ATPAF1: variants seen among roughly 807,000 people sequenced by gnomAD.
The protein encoded by ATPAF1 is homolog of yeast ATP11.
Under a neutral mutation model 43.9 loss-of-function variants are expected in ATPAF1, and 26 were observed. The observed-to-expected ratio is 0.59, with a 90% confidence interval of 0.43 to 0.82. The LOEUF (loss-of-function observed/expected upper bound fraction) is 0.82, where lower values mean the gene tolerates loss of function less well. ATPAF1 is among the 40% of genes least tolerant of loss of function. The probability of loss-of-function intolerance (pLI) is 0.00; values close to 1 mark genes in which losing one functional copy is unlikely to be tolerated. For missense variants in ATPAF1, 366 were observed against 435.0 expected (o/e 0.84, Z 1.41); for synonymous variants, 157 against 168.0 (o/e 0.93, Z 0.50).
At chr1:46,647,877 G>T (rs1366079442) in intron 6 of ATPAF1, among the ~76,000 whole-genome samples, 4 of 152,056 alleles carry the variant, frequency 2.6e-5, no homozygotes, top group Non-Finnish European at 5.9e-5. Context: ...GTAGTAATTT[G>T]GATTCCCATT....
chr1:46,667,949 A>T, intron 1 of ATPAF1, 108 bp downstream of exon 1: 1 of 873,108 alleles, frequency 1.1e-6, no homozygotes, highest in Non-Finnish European at 1.5e-6. Flanking sequence ...TCATCTGAAG[A>T]GCTGGGACAG....
intron 1 of ATPAF1, 108 bp from the exon 2 acceptor site, chr1:46,665,472 G>A (rs1676473973): frequency 1.5e-6 from 2 of 1,330,180 alleles, no homozygotes; most frequent in South Asian, 2.7e-5. Flanking sequence ...CATTCAGAGA[G>A]GTTGAAAAAT....
At chr1:46,641,565 C>T (rs372247773) in intron 8 of ATPAF1, among the ~76,000 whole-genome samples, 2 of 152,156 alleles carry the variant, frequency 1.3e-5, no homozygotes, top group South Asian at 2.1e-4. Flanking sequence ...TCTCTTAAGT[C>T]TACTCCAATC....
At chr1:46,661,373 G>A (rs1210508230) in intron 2 of ATPAF1, among the ~76,000 whole-genome samples, 1 of 152,148 alleles carries the variant, frequency 6.6e-6, no homozygotes. Context: ...ACTGCACCCG[G>A]TGGTTTTAGA....
At chr1:46,638,543 A>C (rs1397185871) in intron 8 of ATPAF1, among the ~76,000 whole-genome samples, 2 of 151,414 alleles carry the variant, frequency 1.3e-5, no homozygotes, top group Non-Finnish European at 1.5e-5. Context: ...AATGGCGTGA[A>C]CCCGGGAGGC....
At chr1:46,650,920 A>T in intron 6 of ATPAF1, among the ~76,000 whole-genome samples, 1 of 152,082 alleles carries the variant, frequency 6.6e-6, no homozygotes, top group Non-Finnish European at 1.5e-5. Flanking sequence ...GCTAGATGGG[A>T]GAAATATGTT....
chr1:46,633,905 A>C (rs1462851088), downstream of ATPAF1: 5 of 452,056 alleles, frequency 1.1e-5, no homozygotes, highest in Non-Finnish European at 2.2e-5. Context: ...GGGACCCAAA[A>C]CATTCAGAAG....
At chr1:46,644,991 G>C (rs1490803185) in intron 7 of ATPAF1, among the ~76,000 whole-genome samples, 170 bp downstream of exon 7, 1 of 152,192 alleles carries the variant, frequency 6.6e-6, no homozygotes, top group Non-Finnish European at 1.5e-5. Context: ...TAGGTATTGA[G>C]GAGGGCCTAG....
At position 46,637,055 on chromosome 1, in the gene ATPAF1, C is replaced by T. The variant is rs753743412; in HGVS notation, c.793-1085G>A. On this transcript the variant is annotated intron_variant, in intron 8 of 8. Transcript: ENST00000574428. Reference sequence around the variant, plus strand: ...AGCTAAGCTGCTACTACAGAAACTGCGAGGTAATAAATGTTTGTTGTTTTA... The same window carrying T: ...AGCTAAGCTGCTACTACAGAAACTGTGAGGTAATAAATGTTTGTTGTTTTA... 3.9e-5 allele frequency among the ~76,000 whole-genome samples: 6 copies of T among 152,242 alleles called. No individual in the cohort carries two copies. In the South Asian group the frequency reaches 8.3e-4, roughly 21 times the overall value.
Position 46,658,109 on chromosome 1 carries a change from C to T in ATPAF1, c.489+18G>A. The T allele has an allele frequency of 6.2e-7, 1 of 1,606,596 alleles. No individual in the cohort carries two copies. The highest frequency in any genetic ancestry group is 8.5e-7 in the Non-Finnish European group (1 of 1,176,090). Reference sequence around the variant, plus strand: ...TTCACATTTTCATAGAGTAGGCCAGCCCATTTCCATTCATTACCTGTTTTA... The same window carrying T: ...TTCACATTTTCATAGAGTAGGCCAGTCCATTTCCATTCATTACCTGTTTTA... On this transcript the variant is annotated intron_variant, in intron 4 of 8. Coordinates refer to ENST00000574428, the Ensembl canonical transcript of ATPAF1.
downstream of ATPAF1, chr1:46,634,108 G>A (rs1249177464): frequency 1.3e-5 from 4 of 316,482 alleles, no homozygotes; most frequent in Non-Finnish European, 1.8e-5. Context: ...AGACTCAAAG[G>A]TGCAACAAAA....
chr1:46,661,101 C>G (rs1356260547), intron 2 of ATPAF1, among the ~76,000 whole-genome samples: 2 of 150,506 alleles, frequency 1.3e-5, no homozygotes, highest in African/African-American at 4.9e-5. Flanking sequence ...GAGACAGAGT[C>G]TCACTCTGTC....
At chr1:46,655,727 A>G (rs549386638) in intron 4 of ATPAF1, among the ~76,000 whole-genome samples, 1 of 151,630 alleles carries the variant, frequency 6.6e-6, no homozygotes, top group South Asian at 2.1e-4. Context: ...TCTCTCTCCT[A>G]CCTCTGACCT....
chr1:46,665,213 G>A lies in ATPAF1; in HGVS notation c.375+43C>T, dbSNP rs780370221. 32 of 1,590,366 alleles carry A rather than the reference G, an allele frequency of 2.0e-5. No individual in the cohort carries two copies. In the Admixed American group the frequency reaches 4.8e-4, roughly 24 times the overall value. The stretch of plus-strand genomic sequence containing the variant: ...TAAGGGTGAGGGTAAGGAGGGTGAA[G>A]GAGTGCTGGTAAGCAAACACCACAA... On this transcript the variant is annotated intron_variant, in intron 2 of 8. Coordinates refer to ENST00000574428, the Ensembl canonical transcript of ATPAF1.
At chr1:46,654,563 ACTTT>A (rs1557930933) in intron 4 of ATPAF1, among the ~76,000 whole-genome samples, 6 of 77,592 alleles carry the variant, frequency 7.7e-5, no homozygotes, top group South Asian at 3.6e-4. Flanking sequence ...TTATTATTGT[ACTTT>A]AAGTTCTAGG....
At chr1:46,639,436 ACT>A (rs1282024631) in intron 8 of ATPAF1, among the ~76,000 whole-genome samples, 1 of 152,048 alleles carries the variant, frequency 6.6e-6, no homozygotes, top group Non-Finnish European at 1.5e-5. Context: ...ATATCACCCC[ACT>A]CTCTATCCCT....
chr1:46,648,315 T>C (rs1316446934), intron 6 of ATPAF1, among the ~76,000 whole-genome samples: 1 of 152,178 alleles, frequency 6.6e-6, no homozygotes, highest in East Asian at 1.9e-4. Flanking sequence ...TTTCGCCATA[T>C]TGGCCAGGCT....
At chr1:46,649,761 C>T in intron 6 of ATPAF1, among the ~76,000 whole-genome samples, 1 of 151,818 alleles carries the variant, frequency 6.6e-6, no homozygotes, top group East Asian at 1.9e-4. Flanking sequence ...CTTGTCTCTA[C>T]TAAACATACA....
intron 4 of ATPAF1, among the ~76,000 whole-genome samples, chr1:46,657,573 A>T (rs999356740): frequency 5.9e-5 from 9 of 152,176 alleles, no homozygotes; most frequent in African/African-American, 2.2e-4. Context: ...ATGTTAACTC[A>T]TTTAATTATC....
Sources: gnomAD v4.1 joint callset for allele counts (sites outside exome capture counted in the v4.1 genomes callset) on GRCh38, gnomAD v4.1.1 for gene constraint, MANE v1.5 for transcripts, NCBI Gene and HGNC (gene_info 2026-07-23, HGNC 2026-07-21) for gene names.